The following ATP2B4 variants were observed in gnomAD, a reference collection of about 807,000 sequenced individuals.
ATP2B4 encodes the protein plasma membrane calcium-transporting ATPase 4.
Under a neutral mutation model 110.3 loss-of-function variants are expected in ATP2B4, and 39 were observed. The ratio of observed to expected loss-of-function variants is 0.35; its 90% CI spans 0.27 to 0.46. The LOEUF is 0.46. Among genes scored for constraint, ATP2B4 ranks in the 20% least tolerant of loss-of-function variants. The pLI is 1.00. For missense variants in ATP2B4, 1,135 were observed against 1,530.9 expected (o/e 0.74, Z 4.32); for synonymous variants, 538 against 571.7 (o/e 0.94, Z 0.84).
chr1:203,713,404 A>T (rs1200684957), intron 14 of ATP2B4, 152 bp downstream of exon 14: 1 of 706,104 alleles, frequency 1.4e-6, no homozygotes, highest in East Asian at 2.6e-5. Context: ...CAGTTAGCAA[A>T]CATCTGAGCC....
chr1:203,638,888 A>G (rs1663543662), intron 1 of ATP2B4, among the ~76,000 whole-genome samples: 1 of 152,218 alleles, frequency 6.6e-6, no homozygotes, highest in South Asian at 2.1e-4. Flanking sequence ...TAGCACACAG[A>G]AAATGCAAAG....
At chr1:203,737,678 A>G (rs543223870) in intron 20 of ATP2B4, among the ~76,000 whole-genome samples, 1 of 152,286 alleles carries the variant, frequency 6.6e-6, no homozygotes, top group South Asian at 2.1e-4. Context: ...TCAGATAATA[A>G]AAATGTGGTC....
At chr1:203,690,086 G>C (rs1665319256) in intron 2 of ATP2B4, among the ~76,000 whole-genome samples, 1 of 152,210 alleles carries the variant, frequency 6.6e-6, no homozygotes. Flanking sequence ...GAAAAAAAAT[G>C]TGTTTTAAGA....
At chr1:203,705,234 C>G (rs768805228) in intron 8 of ATP2B4, among the ~76,000 whole-genome samples, 2 of 152,204 alleles carry the variant, frequency 1.3e-5, no homozygotes, top group African/African-American at 2.4e-5. Context: ...CTCTTCATGT[C>G]CATTCTGGTA....
rs1210124380 is a variant in ATP2B4 at position 203,715,594 on chromosome 1, G to A, written c.2406+1317G>A. Among the ~76,000 whole-genome samples the A allele has an allele frequency of 9.4e-5, 13 of 138,702 alleles. 1 individual carries two copies. Among genetic ancestry groups the A allele is most frequent in the Admixed American group, 4.3e-4 (6 of 14,022 alleles). 91.0% of individuals were successfully genotyped at this position (138,702 alleles called of 152,430 possible). A position where few individuals can be genotyped will look rare whatever the true frequency, so the allele number is the denominator to read the frequency against. On this transcript the variant is annotated intron_variant, in intron 15 of 20. Coordinates refer to ENST00000357681, the MANE Select transcript of ATP2B4 (RefSeq NM_001684.5). ...TCATTATATGGGGGGATGGTGTGGG[G>A]CAAAAAAAAAAATTTCATTATATGC...
chr1:203,683,033 C>T lies in ATP2B4; in HGVS notation c.-173C>T, dbSNP rs1342607757. 8 of 626,362 alleles carry T rather than the reference C, an allele frequency of 1.3e-5. No homozygotes were observed. Among genetic ancestry groups the T allele is most frequent in the Admixed American group, 9.3e-5 (3 of 32,354 alleles). The allele number at this position is 626,362 out of a possible 1,614,324, so 38.8% of individuals were successfully genotyped here. A position where few individuals can be genotyped will look rare whatever the true frequency, so the allele number is the denominator to read the frequency against. On this transcript the variant is annotated 5_prime_UTR_variant, in exon 2 of 21. Transcript: ENST00000357681. ...CATACGGAAGAAAGGATCTAGACTTCGGACGGCTACTCGGGAGCTTATTGC... is the reference window on the plus strand; with the variant it reads ...CATACGGAAGAAAGGATCTAGACTTTGGACGGCTACTCGGGAGCTTATTGC...
At chr1:203,634,365 A>G (rs1017897415) in intron 1 of ATP2B4, among the ~76,000 whole-genome samples, 1 of 152,144 alleles carries the variant, frequency 6.6e-6, no homozygotes, top group Non-Finnish European at 1.5e-5. Flanking sequence ...CTATTTTTAG[A>G]GATAGGGTCT....
In ATP2B4 at chr1:203,698,289, T is replaced by C. The variant is rs1665592916; in HGVS notation, c.326T>C (p.Leu109Pro). The C allele has an allele frequency of 6.2e-7, 1 of 1,614,046 alleles. No individual in the cohort carries two copies. Among genetic ancestry groups the C allele is most frequent in the Non-Finnish European group, 8.5e-7 (1 of 1,180,022 alleles). ...EALQDVTLIILEIAAIISLVL... is the reference protein window; with the variant it reads ...EALQDVTLIIPEIAAIISLVL... ...CTTCAAGATGTCACGCTTATCATCCTGGAGATTGCAGCCATCATCTCCCTG... is the reference window on the plus strand; with the variant it reads ...CTTCAAGATGTCACGCTTATCATCCCGGAGATTGCAGCCATCATCTCCCTG... The change falls in exon 3 of 21, where the codon CTG (leucine) becomes CCG (proline). Residue 109 changes from leucine to proline, a missense_variant. Around this residue, in one of 9 missense-constraint regions of ATP2B4, gnomAD observed 101 missense variants for 182.6 expected, o/e 0.55. Coordinates refer to ENST00000357681, the MANE Select transcript of ATP2B4 (RefSeq NM_001684.5).
chr1:203,729,761 G>T (rs1181245740), intron 20 of ATP2B4: 5 of 1,342,660 alleles, frequency 3.7e-6, no homozygotes, highest in African/African-American at 1.5e-5. Flanking sequence ...ATCCAATTGG[G>T]CAGGCATTGG....
intron 2 of ATP2B4, among the ~76,000 whole-genome samples, chr1:203,695,935 T>G (rs1665520482): frequency 6.6e-6 from 1 of 152,176 alleles, no homozygotes; most frequent in African/African-American, 2.4e-5. Context: ...GTAACACTCC[T>G]GGGTTCTTTT....
intron 1 of ATP2B4, among the ~76,000 whole-genome samples, chr1:203,633,154 G>T (rs1663328241): frequency 6.6e-6 from 1 of 152,160 alleles, no homozygotes; most frequent in Non-Finnish European, 1.5e-5. Context: ...TGGCTTAAAG[G>T]GTCTCCCGCC....
rs1337619306 is a variant in ATP2B4 at position 203,707,961 on chromosome 1, A to G, written c.1414A>G (p.Met472Val). The change falls in exon 10 of 21, where the codon ATG becomes GTG. Residue 472 changes from methionine to valine, a missense_variant. Transcript: ENST00000357681. ...CTCTGATAAGACAGGCACGTTGACC[A>G]TGAACCGCATGACTGTGGTACAAGC... ...ICSDKTGTLT[M>V]NRMTVVQAYI... is the part of the protein sequence containing the mutation. 1.9e-6 allele frequency: 3 copies of G among 1,614,222 alleles called. No homozygotes were observed. Among genetic ancestry groups the G allele is most frequent in the East Asian group, 2.2e-5 (1 of 44,878 alleles).
At chr1:203,704,079 TTA>T (rs1558042056) in intron 8 of ATP2B4, among the ~76,000 whole-genome samples, 1 of 152,178 alleles carries the variant, frequency 6.6e-6, no homozygotes, top group Admixed American at 6.6e-5. Context: ...AGAGCATATA[TTA>T]CAGCAGGGGA....
At chr1:203,712,452 A>G (rs575284227) in intron 13 of ATP2B4, among the ~76,000 whole-genome samples, 8 of 152,162 alleles carry the variant, frequency 5.3e-5, no homozygotes, top group Middle Eastern at 6.8e-3. Context: ...TTAGCTGGGC[A>G]TGGTGGCGTG....
At chr1:203,689,227 G>T (rs1665294593) in intron 2 of ATP2B4, among the ~76,000 whole-genome samples, 1 of 152,238 alleles carries the variant, frequency 6.6e-6, no homozygotes, top group Non-Finnish European at 1.5e-5. Flanking sequence ...TTAAGGGGAA[G>T]AAGGAAGAGG....
chr1:203,698,060 G>T, intron 2 of ATP2B4, 97 bp from the exon 3 acceptor site: 3 of 1,024,056 alleles, frequency 2.9e-6, no homozygotes, highest in Non-Finnish European at 1.5e-6. Context: ...AGGCTAGAGT[G>T]TAATGACATG....
chr1:203,669,818 A>G (rs561940261), intron 1 of ATP2B4, among the ~76,000 whole-genome samples: 12 of 152,198 alleles, frequency 7.9e-5, no homozygotes, highest in Admixed American at 7.8e-4. Context: ...CTCATTCATT[A>G]ATTGCACAGG....
intron 6 of ATP2B4, among the ~76,000 whole-genome samples, chr1:203,701,716 G>C (rs945792454): frequency 3.3e-5 from 5 of 152,192 alleles, no homozygotes; most frequent in Admixed American, 3.3e-4. Context: ...TTTGCCATCA[G>C]GCAGAAACGG....
intron 1 of ATP2B4, among the ~76,000 whole-genome samples, chr1:203,641,393 G>T (rs943630042): frequency 3.9e-5 from 6 of 152,168 alleles, no homozygotes; most frequent in Non-Finnish European, 8.8e-5. Context: ...TCAGGTCTAG[G>T]GGTGGGAGCA....
Sources: allele counts gnomAD v4.1 joint callset (sites outside exome capture counted in the v4.1 genomes callset), GRCh38; gene constraint gnomAD v4.1.1; regional missense constraint gnomAD v4.1.1; transcripts MANE v1.5; gene names NCBI Gene and HGNC (gene_info 2026-07-23, HGNC 2026-07-21).